The following NEBL variants were observed in gnomAD, a reference collection of about 807,000 sequenced individuals.
The protein encoded by NEBL is LIM and SH3 protein 2.
NEBL carries 122 observed loss-of-function variants against 140.2 expected under a neutral mutation model. The ratio of observed to expected loss-of-function variants is 0.87; its 90% CI spans 0.75 to 1.01. NEBL has a LOEUF of 1.01. NEBL is among the 50% of genes least tolerant of loss of function. The pLI, the probability that NEBL is intolerant of heterozygous loss-of-function variation, is 0.00. For missense variants in NEBL, 1,365 were observed against 1,231.3 expected (o/e 1.11, Z -1.62); for synonymous variants, 436 against 398.9 (o/e 1.09, Z -1.11).
chr10:20,815,702 G>T lies in NEBL; in HGVS notation c.2164C>A (p.Gln722Lys), dbSNP rs1459943747. 1.2e-6 allele frequency: 2 copies of T among 1,605,676 alleles called. No individual in the cohort carries two copies. The highest frequency in any genetic ancestry group is 1.7e-5 in the Admixed American group (1 of 60,016). The change falls in exon 22 of 28, where the codon CAG becomes AAG. Residue 722 changes from glutamine (Q) to lysine (K), a missense_variant. By Grantham distance (53) the Gln-to-Lys change is moderately conservative. Around this residue, in one of 2 missense-constraint regions of NEBL, gnomAD observed 1,323 missense variants for 1,154.8 expected, o/e 1.15. Transcript: ENST00000377122. Reference protein sequence around the residue: ...KNISNVYYRGQLGRATTLSVT... With the variant: ...KNISNVYYRGKLGRATTLSVT... ...CTTAAAGTGGTAGCTCTTCCCAGCT[G>T]ACCTCTGTAATAAACCTATCATTTC...
chr10:21,026,885 C>T (rs1361914565), intron 2 of NEBL, among the ~76,000 whole-genome samples: 1 of 152,146 alleles, frequency 6.6e-6, no homozygotes, highest in Non-Finnish European at 1.5e-5. Flanking sequence ...AACAGCTAAA[C>T]ACCTGCTTTC....
intron 2 of NEBL, among the ~76,000 whole-genome samples, chr10:21,042,852 C>T (rs552507481): frequency 1.7e-4 from 26 of 152,352 alleles, no homozygotes; most frequent in Non-Finnish European, 3.2e-4. Flanking sequence ...AAACAAATGG[C>T]TTTCACAGAG....
At chr10:20,786,495 G>C (rs1835419897) in intron 27 of NEBL, among the ~76,000 whole-genome samples, 1 of 152,286 alleles carries the variant, frequency 6.6e-6, no homozygotes, top group South Asian at 2.1e-4. Context: ...ATTATAATGA[G>C]TTTTCCTATA....
At chr10:20,984,136 A>AC (rs397693165) in intron 3 of NEBL, among the ~76,000 whole-genome samples, 10 of 151,476 alleles carry the variant, frequency 6.6e-5, no homozygotes, top group Non-Finnish European at 1.2e-4. Flanking sequence ...AAAAAAAAAA[A>AC]GCTCCAAACT....
chr10:20,854,819 C>A (rs1444383369), intron 9 of NEBL, among the ~76,000 whole-genome samples: 1 of 152,062 alleles, frequency 6.6e-6, no homozygotes, highest in African/African-American at 2.4e-5. Flanking sequence ...CCTGCCTTGG[C>A]CTCCCAAAAT....
intron 1 of NEBL, among the ~76,000 whole-genome samples, chr10:21,289,951 C>T (rs549557607): frequency 6.6e-6 from 1 of 152,302 alleles, no homozygotes; most frequent in East Asian, 1.9e-4. Flanking sequence ...AGCTAAGACT[C>T]TTTACTCTCT....
intron 2 of NEBL, among the ~76,000 whole-genome samples, chr10:21,116,073 T>G (rs1381402265): frequency 3.3e-5 from 5 of 152,148 alleles, no homozygotes; most frequent in Non-Finnish European, 7.4e-5. Flanking sequence ...GCATGTCTAT[T>G]TTATATCTTC....
At chr10:20,860,358 C>T (rs1043851689) in intron 7 of NEBL, among the ~76,000 whole-genome samples, 3 of 151,926 alleles carry the variant, frequency 2.0e-5, no homozygotes, top group Non-Finnish European at 2.9e-5. Context: ...CAATGTAAAA[C>T]TTTCTCTGCT....
intron 5 of NEBL, among the ~76,000 whole-genome samples, chr10:20,877,751 A>G (rs1289130789): frequency 1.3e-5 from 2 of 152,166 alleles, no homozygotes; most frequent in Non-Finnish European, 2.9e-5. Context: ...CTTGCAGTCT[A>G]TGTAGAAAGT....
intron 3 of NEBL, among the ~76,000 whole-genome samples, chr10:21,207,359 T>C (rs1250371305): frequency 1.3e-5 from 2 of 152,190 alleles, no homozygotes; most frequent in Non-Finnish European, 2.9e-5. Context: ...TATGTGACTT[T>C]CAGTCATAAG....
chr10:20,937,809 G>C (rs1834582373), intron 4 of NEBL, among the ~76,000 whole-genome samples: 1 of 152,172 alleles, frequency 6.6e-6, no homozygotes, highest in African/African-American at 2.4e-5. Context: ...GCCTGGCTCA[G>C]AGGGTCCTAC....
At chr10:20,897,398 G>A (rs972319757), upstream of NEBL, 20 of 1,373,754 alleles carry the variant, frequency 1.5e-5, no homozygotes, top group Non-Finnish European at 1.9e-5. Flanking sequence ...GATCCCAGAG[G>A]TCTACCAGGC....
chr10:20,878,484 G>A (rs191074411), intron 5 of NEBL, among the ~76,000 whole-genome samples: 3 of 152,284 alleles, frequency 2.0e-5, no homozygotes, highest in African/African-American at 7.2e-5. Context: ...ACTTTTACAG[G>A]AGACAGGTTT....
chr10:21,187,817 C>T (rs551877692), intron 3 of NEBL, among the ~76,000 whole-genome samples: 2 of 152,222 alleles, frequency 1.3e-5, no homozygotes, highest in East Asian at 3.9e-4. Flanking sequence ...CCTGGCCACA[C>T]CTTGTTAAGA....
At chr10:21,005,690 T>G (rs1838109728) in intron 3 of NEBL, among the ~76,000 whole-genome samples, 1 of 152,126 alleles carries the variant, frequency 6.6e-6, no homozygotes, top group African/African-American at 2.4e-5. Flanking sequence ...GCTGTGATCA[T>G]GCCACTGCAC....
At chr10:20,966,264 C>G (rs967288363) in intron 3 of NEBL, among the ~76,000 whole-genome samples, 4 of 152,156 alleles carry the variant, frequency 2.6e-5, no homozygotes, top group African/African-American at 9.7e-5. Flanking sequence ...ACATATATAA[C>G]TTCCTGCAAC....
intron 3 of NEBL, among the ~76,000 whole-genome samples, chr10:20,888,534 T>C (rs1449233061): frequency 6.6e-6 from 1 of 152,250 alleles, no homozygotes; most frequent in Non-Finnish European, 1.5e-5. Flanking sequence ...ATTCGAGTTG[T>C]TCCAGAAAAT....
intron 3 of NEBL, among the ~76,000 whole-genome samples, chr10:21,241,779 C>A (rs1414307621): frequency 6.6e-6 from 1 of 152,144 alleles, no homozygotes; most frequent in Non-Finnish European, 1.5e-5. Context: ...ATGCTATCAG[C>A]ATTAAAGAGG....
At chr10:20,819,895 C>A (rs1338174127) in intron 19 of NEBL, among the ~76,000 whole-genome samples, 1 of 151,948 alleles carries the variant, frequency 6.6e-6, no homozygotes, top group Non-Finnish European at 1.5e-5. Context: ...CAACCCTTAT[C>A]AAATGTTTTA....
Sources: gnomAD v4.1 joint callset for allele counts (sites outside exome capture counted in the v4.1 genomes callset) on GRCh38, gnomAD v4.1.1 for gene constraint, gnomAD v4.1.1 regional missense constraint, MANE v1.5 for transcripts, NCBI Gene and HGNC (gene_info 2026-07-23, HGNC 2026-07-21) for gene names.